Variants in POU2AF1 observed in about 807,000 individuals in gnomAD.
POU2AF1 encodes the protein POU class 2 homeobox associating factor 1, also known as POU domain class 2-associating factor 1.
A neutral mutation model predicts 26.3 loss-of-function variants in POU2AF1; 12 were observed. That is an observed-to-expected ratio of 0.46 (90% CI 0.29 to 0.74). The LOEUF is 0.74. POU2AF1 is among the 30% of genes least tolerant of loss of function. The pLI is 0.09. For missense variants in POU2AF1, 297 were observed against 334.5 expected (o/e 0.89, Z 0.87); for synonymous variants, 175 against 148.0 (o/e 1.18, Z -1.32).
At chr11:111,374,211 G>A (rs557185553) in intron 1 of POU2AF1, among the ~76,000 whole-genome samples, 5 of 143,242 alleles carry the variant, frequency 3.5e-5, no homozygotes, top group African/African-American at 1.3e-4. Context: ...CAGTAACTTT[G>A]GGGACAAATC....
chr11:111,373,849 C>T (rs140892217), intron 1 of POU2AF1, among the ~76,000 whole-genome samples: 1 of 152,274 alleles, frequency 6.6e-6, no homozygotes, highest in Non-Finnish European at 1.5e-5. Flanking sequence ...AGCAGTTCTA[C>T]AAAAATGAGA....
At chr11:111,364,002 C>G in intron 1 of POU2AF1, 1 of 985,272 alleles carries the variant, frequency 1.0e-6, no homozygotes, top group Non-Finnish European at 1.2e-6. Context: ...GGAAGTCAAG[C>G]CAATGGAGTT....
chr11:111,363,860 T>G (rs1416826883), intron 1 of POU2AF1: 23 of 985,414 alleles, frequency 2.3e-5, no homozygotes, highest in Non-Finnish European at 2.8e-5. Context: ...GAGGGCCTTT[T>G]AAGTCTCCCG....
At chr11:111,361,134 C>G (rs537223336) in intron 1 of POU2AF1, among the ~76,000 whole-genome samples, 3 of 152,236 alleles carry the variant, frequency 2.0e-5, no homozygotes, top group African/African-American at 7.2e-5. Flanking sequence ...TCAAATATTT[C>G]TAGTGCCTAG....
At position 111,353,037 on chromosome 11, in the gene POU2AF1, GGAAGGAAGGAAGGAAGGAAA is replaced by G. The variant is rs1565357221; in HGVS notation, c.*1204_*1223del. On this transcript the variant is annotated 3_prime_UTR_variant, in exon 5 of 5. Transcript: ENST00000393067. ...AGGAAGGAAGGAAGGAAGGAAGGAA[GGAAGGAAGGAAGGAAGGAAA>G]GAAACAAAACCCACATGGTAGCACT... 58 of 156,560 alleles carry G rather than the reference GGAAGGAAGGAAGGAAGGAAA, an allele frequency of 3.7e-4. 1 individual carries two copies. The highest frequency in any genetic ancestry group is 2.2e-3 in the African/African-American group (52 of 23,558). The allele number at this position is 156,560 out of a possible 1,614,324, so 9.7% of individuals were successfully genotyped here.
rs1010824019 is a variant in POU2AF1, at chr11:111,352,278, G to T, written c.*1983C>A. 5.6e-6 allele frequency: 1 copy of T among 179,050 alleles called. No individual in the cohort carries two copies. Among genetic ancestry groups the T allele is most frequent in the African/African-American group, 2.4e-5 (1 of 42,294 alleles). 11.1% of individuals were successfully genotyped at this position (179,050 alleles called of 1,614,324 possible). On this transcript the variant is annotated 3_prime_UTR_variant, in exon 5 of 5. Coordinates refer to ENST00000393067, the MANE Select transcript of POU2AF1 (RefSeq NM_006235.3). ...ACTTTCTCCAGAGTTTTTATTTAAA[G>T]TGGGCAAAGAAAATATGTCAAAGAA...
chr11:111,358,446 A>ACACACTCTCT (rs1555074405), intron 2 of POU2AF1, among the ~76,000 whole-genome samples: 2 of 101,022 alleles, frequency 2.0e-5, no homozygotes, highest in South Asian at 2.6e-4. Flanking sequence ...TCACTCTCAC[A>ACACACTCTCT]CACACACACT....
chr11:111,358,360 T>TCACACA (rs1360388930), intron 2 of POU2AF1, among the ~76,000 whole-genome samples: 4 of 83,422 alleles, frequency 4.8e-5, no homozygotes, highest in African/African-American at 1.2e-4. Context: ...ACTCACACTC[T>TCACACA]CACACACTCA....
intron 1 of POU2AF1, among the ~76,000 whole-genome samples, chr11:111,374,488 G>A (rs1861272469): frequency 6.6e-6 from 1 of 152,212 alleles, no homozygotes; most frequent in Non-Finnish European, 1.5e-5. Flanking sequence ...CTCGAGGTCA[G>A]GAGTTCGAGA....
chr11:111,352,330 C>T lies in POU2AF1; in HGVS notation c.*1931G>A, dbSNP rs1860740080. On this transcript the variant is annotated 3_prime_UTR_variant, in exon 5 of 5. Transcript: ENST00000393067. ...CTGTCATTTCCCAGAAAAGTCATTT[C>T]CCAGAAAAGTCCATGACTTCTACAT... The T allele has an allele frequency of 5.5e-6, 1 of 182,150 alleles. No individual in the cohort carries two copies. The highest frequency in any genetic ancestry group is 1.2e-5 in the Non-Finnish European group (1 of 85,374). The allele number at this position is 182,150 out of a possible 1,614,324, so 11.3% of individuals were successfully genotyped here.
intron 1 of POU2AF1, chr11:111,377,696 C>CA (rs1836104484): frequency 5.7e-6 from 1 of 174,486 alleles, no homozygotes; most frequent in South Asian, 2.0e-4. Context: ...GGGGCTCACA[C>CA]AAAAATCAAA....
At chr11:111,361,876 T>C (rs1861016291) in intron 1 of POU2AF1, among the ~76,000 whole-genome samples, 1 of 152,210 alleles carries the variant, frequency 6.6e-6, no homozygotes. Flanking sequence ...GTATTAGTAG[T>C]AATATTCCCT....
chr11:111,372,067 C>CGGG, intron 1 of POU2AF1, among the ~76,000 whole-genome samples: 4 of 144,524 alleles, frequency 2.8e-5, no homozygotes. Context: ...CACACACACA[C>CGGG]ACAGAGAGAG....
At chr11:111,362,119 T>C (rs115261654) in intron 1 of POU2AF1, among the ~76,000 whole-genome samples, 1,669 of 152,236 alleles carry the variant, frequency 0.011, 29 homozygotes, top group African/African-American at 0.038. Context: ...CCTGCCACAC[T>C]CAACTCACTC....
At chr11:111,363,198 A>G in intron 1 of POU2AF1, 2 of 1,015,578 alleles carry the variant, frequency 2.0e-6, no homozygotes, top group Non-Finnish European at 2.4e-6. Flanking sequence ...TTGACGTTGC[A>G]GGACTCCCAC....
At position 111,357,563 on chromosome 11, in the gene POU2AF1, G is replaced by T; in HGVS notation, c.338C>A (p.Ala113Asp). ...GTCAGCTGAGTAGGGGCAGCTGACA[G>T]CTTCATGGGGCACATACTCGGTGTA... ...TPYTEYVPHE[A>D]VSCPYSADMY... The change falls in exon 4 of 5, where the codon GCT becomes GAT. Residue 113 changes from alanine to aspartate, a missense_variant. By Grantham distance (126) the Ala-to-Asp change is moderately radical (BLOSUM62 -2). Transcript: ENST00000393067. 1 of 1,614,124 alleles carries T rather than the reference G, an allele frequency of 6.2e-7. No homozygotes were observed. The highest frequency in any genetic ancestry group is 8.5e-7 in the Non-Finnish European group (1 of 1,179,988).
intron 1 of POU2AF1, among the ~76,000 whole-genome samples, chr11:111,371,517 T>G (rs949345792): frequency 1.3e-5 from 2 of 152,122 alleles, no homozygotes; most frequent in Non-Finnish European, 2.9e-5. Flanking sequence ...GAGTTCCAAG[T>G]TTGATCACAG....
chr11:111,379,198 C>T lies in POU2AF1; in HGVS notation c.-21G>A, dbSNP rs776204111. The T allele has an allele frequency of 6.2e-7, 1 of 1,614,138 alleles. No individual in the cohort carries two copies. Among genetic ancestry groups the T allele is most frequent in the East Asian group, 2.2e-5 (1 of 44,882 alleles). Reference sequence around the variant, plus strand: ...AGCATGGCCTGTGACAGGATGTTGCCTTTTCTCTTTGAAGCCGACAGTTTG... The same window carrying T: ...AGCATGGCCTGTGACAGGATGTTGCTTTTTCTCTTTGAAGCCGACAGTTTG... On this transcript the variant is annotated 5_prime_UTR_variant, in exon 1 of 5. Coordinates refer to ENST00000393067, the MANE Select transcript of POU2AF1 (RefSeq NM_006235.3).
In POU2AF1 at chr11:111,354,431, G is replaced by A; in HGVS notation, c.601C>T (p.Pro201Ser). 1 of 1,614,156 alleles carries A rather than the reference G, an allele frequency of 6.2e-7. No homozygotes were observed. The highest frequency in any genetic ancestry group is 8.5e-7 in the Non-Finnish European group (1 of 1,179,984). ...LQYQPPAPAL[P>S]GPQFVQLPIS... is the part of the protein sequence containing the mutation. ...GGGAGCTGGACAAACTGGGGCCCAGGTAGGGCTGGGGCCGGAGGCTGGTAC... is the reference window on the plus strand; with the variant it reads ...GGGAGCTGGACAAACTGGGGCCCAGATAGGGCTGGGGCCGGAGGCTGGTAC... Residue 201 changes from proline to serine, a missense_variant, in exon 5 of 5, where the codon CCT becomes TCT. Pro to Ser is a moderately conservative substitution (Grantham distance 74, BLOSUM62 -1). Transcript: ENST00000393067.
Sources: gnomAD v4.1 joint callset for allele counts (sites outside exome capture counted in the v4.1 genomes callset) on GRCh38, gnomAD v4.1.1 for gene constraint, MANE v1.5 for transcripts, NCBI Gene and HGNC (gene_info 2026-07-23, HGNC 2026-07-21) for gene names.